Variants in DOCK10 observed in about 807,000 individuals in gnomAD.
The protein encoded by DOCK10 is dedicator of cytokinesis protein 10.
A neutral mutation model predicts 280.1 loss-of-function variants in DOCK10; 145 were observed. The observed-to-expected ratio is 0.52, with a 90% CI of 0.45 to 0.59. DOCK10 has a LOEUF of 0.59. Among genes scored for constraint, DOCK10 ranks in the 20% least tolerant of loss-of-function variants. DOCK10 has a pLI of 0.00. For synonymous variants in DOCK10, 915 were observed against 942.2 expected (o/e 0.97, Z 0.53); for missense variants, 2,368 against 2,651.7 (o/e 0.89, Z 2.35).
At chr2:225,018,537 AT>A (rs1309107498) in intron 1 of DOCK10, among the ~76,000 whole-genome samples, 96 of 8,750 alleles carry the variant, frequency 0.011, 8 homozygotes, top group South Asian at 0.033. Context: ...TATATATGTA[AT>A]ATTATATATA....
At chr2:224,867,095 C>A (rs1202246421) in intron 11 of DOCK10, among the ~76,000 whole-genome samples, 1 of 152,006 alleles carries the variant, frequency 6.6e-6, no homozygotes, top group African/African-American at 2.4e-5. Context: ...CACACACACA[C>A]ACACACACAC....
intron 46 of DOCK10, 147 bp downstream of exon 46, chr2:224,793,253 A>C: frequency 2.6e-6 from 2 of 783,718 alleles, no homozygotes; most frequent in East Asian, 5.4e-5. Context: ...TAAAATGTTT[A>C]AAGTACAGCA....
At chr2:225,002,610 T>C (rs1706468342) in intron 1 of DOCK10, among the ~76,000 whole-genome samples, 1 of 152,214 alleles carries the variant, frequency 6.6e-6, no homozygotes. Flanking sequence ...TGACTCCTCA[T>C]CATAGTGAGA....
intron 1 of DOCK10, among the ~76,000 whole-genome samples, chr2:224,957,282 T>TCCCCCCC (rs1282480557): frequency 4.6e-5 from 4 of 86,486 alleles, no homozygotes; most frequent in Admixed American, 1.2e-4. Context: ...GTTTTTACTT[T>TCCCCCCC]CCGCCCCCCC....
At chr2:224,774,836 G>C in intron 52 of DOCK10, 69 bp downstream of exon 52, 1 of 1,402,198 alleles carries the variant, frequency 7.1e-7, no homozygotes, top group Non-Finnish European at 9.9e-7. Flanking sequence ...GATTCCTACT[G>C]ATCCAGCCCT....
intron 30 of DOCK10, among the ~76,000 whole-genome samples, chr2:224,815,069 A>G (rs1457359629): frequency 6.6e-6 from 1 of 152,110 alleles, no homozygotes; most frequent in Non-Finnish European, 1.5e-5. Context: ...CACACACGTT[A>G]GGGGAGGTAC....
Position 224,797,874 on chromosome 2 carries a change from C to T in DOCK10, c.4602G>A (p.Ala1534=), listed in dbSNP as rs138341183. 195 of 1,613,884 alleles carry T rather than the reference C, an allele frequency of 1.2e-4. No homozygotes were observed. The East Asian group carries it at 2.5e-3, about 20-fold the overall frequency. Residue 1534 remains alanine (A), a synonymous_variant, in exon 42 of 56, where the codon GCG becomes GCA. Transcript: ENST00000258390. ...TCAAGGAGGCAAACACATGCTTCAG[C>T]GCTGTGGCTGACTGATTGACTTGGA... The part of the protein sequence containing the change: ...LFFQVNQSAT[A]LKHVFASLRL...
At chr2:224,892,340 G>A (rs1258977697) in intron 4 of DOCK10, among the ~76,000 whole-genome samples, 2 of 147,176 alleles carry the variant, frequency 1.4e-5, no homozygotes, top group South Asian at 2.2e-4. Flanking sequence ...TGGAGGTTGC[G>A]GTGAGCTGAG....
intron 7 of DOCK10, among the ~76,000 whole-genome samples, chr2:224,880,187 T>G (rs1054299234): frequency 4.6e-5 from 7 of 152,226 alleles, no homozygotes; most frequent in African/African-American, 1.7e-4. Context: ...CTTAAAAATT[T>G]GAGCAAAGTA....
intron 50 of DOCK10, among the ~76,000 whole-genome samples, chr2:224,781,425 T>C (rs1559385610): frequency 6.6e-6 from 1 of 152,162 alleles, no homozygotes; most frequent in Non-Finnish European, 1.5e-5. Context: ...GCCAGACAAA[T>C]GGCAGCTCTG....
chr2:224,982,132 C>G (rs1705780681), intron 1 of DOCK10: 1 of 1,158,442 alleles, frequency 8.6e-7, no homozygotes, highest in Non-Finnish European at 1.1e-6. Context: ...ACGCTAAACA[C>G]CAAAACCCCT....
chr2:224,854,251 C>T (rs1473140011), intron 16 of DOCK10, among the ~76,000 whole-genome samples: 2 of 151,094 alleles, frequency 1.3e-5, no homozygotes, highest in Non-Finnish European at 2.9e-5. Context: ...CTGAAAAAGT[C>T]ACTAAAGGGT....
intron 1 of DOCK10, among the ~76,000 whole-genome samples, chr2:225,030,852 T>C (rs1275010560): frequency 6.6e-6 from 1 of 152,250 alleles, no homozygotes; most frequent in African/African-American, 2.4e-5. Flanking sequence ...ACAATTTGTA[T>C]AATATTGTAC....
intron 44 of DOCK10, 108 bp downstream of exon 44, chr2:224,796,208 C>T (rs551484148): frequency 4.4e-4 from 326 of 735,016 alleles, no homozygotes; most frequent in Non-Finnish European, 6.4e-4. Flanking sequence ...GGAATACAGG[C>T]GTGAACCACT....
At chr2:224,998,835 G>A (rs570450326) in intron 1 of DOCK10, among the ~76,000 whole-genome samples, 8 of 152,266 alleles carry the variant, frequency 5.3e-5, no homozygotes, top group Non-Finnish European at 1.2e-4. Context: ...TTTTTATATG[G>A]GAAAAGGATG....
chr2:224,804,228 GAAGTTTT>G lies in DOCK10; in HGVS notation c.4167-22_4167-16del, dbSNP rs1693225400. On this transcript the variant is annotated splice_polypyrimidine_tract_variant and intron_variant, in intron 38 of 55. Transcript: ENST00000258390. ...CAGCAATTTTTCTGCAATGAAAATG[GAAGTTTT>G]AATCATAGCTCAGTGTTTGTAATTT... 9 of 1,547,790 alleles carry G rather than the reference GAAGTTTT, an allele frequency of 5.8e-6. No homozygotes were observed. In the East Asian group the frequency reaches 2.0e-4, roughly 35 times the overall value.
At position 224,816,331 on chromosome 2, in the gene DOCK10, T is replaced by C. The variant is rs1694135224; in HGVS notation, c.3364+286A>G. 2.6e-5 allele frequency among the ~76,000 whole-genome samples: 4 copies of C among 151,878 alleles called. No individual in the cohort carries two copies. In the South Asian group the frequency reaches 8.3e-4, roughly 31 times the overall value. Reference sequence around the variant, plus strand: ...CCCGTAAAGTGCCTCTAGGTTCAAATTATTTGATTAACAATCATCGGGTTT... The same window carrying C: ...CCCGTAAAGTGCCTCTAGGTTCAAACTATTTGATTAACAATCATCGGGTTT... On this transcript the variant is annotated intron_variant, in intron 30 of 55. Coordinates refer to ENST00000258390, the MANE Select transcript of DOCK10 (RefSeq NM_014689.3).
intron 33 of DOCK10, among the ~76,000 whole-genome samples, chr2:224,806,538 AATT>A (rs1199319510): frequency 6.6e-6 from 1 of 152,148 alleles, no homozygotes; most frequent in Non-Finnish European, 1.5e-5. Flanking sequence ...TTATAGATAT[AATT>A]ATTACCATGA....
At position 224,916,710 on chromosome 2, in the gene DOCK10, A is replaced by G; in HGVS notation, c.318T>C (p.Asn106=). Residue 106 remains asparagine (N), a synonymous_variant, in exon 3 of 56, where the codon AAT becomes AAC. Coordinates refer to ENST00000258390, the MANE Select transcript of DOCK10 (RefSeq NM_014689.3). Reference sequence around the variant, plus strand: ...TCACATTTACCTCCTTAACCAGTAAATTTTCTGCCTTGTGCTCTGCATCTT... The same window carrying G: ...TCACATTTACCTCCTTAACCAGTAAGTTTTCTGCCTTGTGCTCTGCATCTT... ...VPEDAEHKAE[N]LLVKEACKFY... is the part of the protein sequence containing the mutation. 2 of 1,609,654 alleles carry G rather than the reference A, an allele frequency of 1.2e-6. No individual in the cohort carries two copies. The highest frequency in any genetic ancestry group is 1.7e-6 in the Non-Finnish European group (2 of 1,177,790).
Sources: gnomAD v4.1 joint callset for allele counts (sites outside exome capture counted in the v4.1 genomes callset) on GRCh38, gnomAD v4.1.1 for gene constraint, MANE v1.5 for transcripts, NCBI Gene and HGNC (gene_info 2026-07-23, HGNC 2026-07-21) for gene names.